The following ERBB4 variants were observed in gnomAD, a reference collection of about 807,000 sequenced individuals.
ERBB4 encodes the protein erb-b2 receptor tyrosine kinase 4.
ERBB4 carries 42 observed loss-of-function variants against 158.0 expected under a neutral mutation model. The observed-to-expected ratio is 0.27, with a 90% CI of 0.21 to 0.34. The LOEUF (loss-of-function observed/expected upper bound fraction) is 0.34, where lower values mean the gene tolerates loss of function less well. Among genes scored for constraint, ERBB4 ranks in the 10% least tolerant of loss-of-function variants. The probability of loss-of-function intolerance (pLI) is 1.00; values close to 1 mark genes in which losing one functional copy is unlikely to be tolerated. For synonymous variants in ERBB4, 583 were observed against 558.7 expected, an observed-to-expected ratio of 1.04 and a Z score of -0.61; for missense variants, 1,333 against 1,624.1, an observed-to-expected ratio of 0.82 and a Z score of 3.08.
In ERBB4 at chr2:211,959,698, A is replaced by C. The variant is rs527677818; in HGVS notation, c.235-12082T>G. ...ATAGATTACTTGCAAGGTATAAAAT[A>C]TATTGATTTTAAATATCTTCTTAAA... On this transcript the variant is annotated intron_variant, in intron 2 of 27. Transcript: ENST00000342788. Among the ~76,000 whole-genome samples, 5 of 152,274 alleles carry C rather than the reference A, an allele frequency of 3.3e-5. No homozygotes were observed. In the East Asian group the frequency reaches 9.7e-4, roughly 29 times the overall value.
chr2:212,097,617 T>G (rs1485453954), intron 2 of ERBB4, among the ~76,000 whole-genome samples: 2 of 152,024 alleles, frequency 1.3e-5, no homozygotes, highest in Non-Finnish European at 2.9e-5. Flanking sequence ...TACCATACTA[T>G]CAATATTTAA....
intron 1 of ERBB4, among the ~76,000 whole-genome samples, chr2:212,470,951 C>T (rs1689088335): frequency 6.6e-6 from 1 of 151,994 alleles, no homozygotes; most frequent in South Asian, 2.1e-4. Flanking sequence ...CAAACTAATA[C>T]TCTTTCCTAC....
chr2:211,939,966 A>AAATATATAT (rs1491239788), intron 3 of ERBB4, among the ~76,000 whole-genome samples: 1 of 137,386 alleles, frequency 7.3e-6, no homozygotes, highest in Non-Finnish European at 1.5e-5. Context: ...GGAAAAAAAA[A>AAATATATAT]ATATATATAT....
chr2:212,449,332 A>T (rs1456460715), intron 1 of ERBB4, among the ~76,000 whole-genome samples: 2 of 152,174 alleles, frequency 1.3e-5, no homozygotes, highest in African/African-American at 4.8e-5. Flanking sequence ...AGACTTCTGA[A>T]ATTTTATTGG....
intron 1 of ERBB4, among the ~76,000 whole-genome samples, chr2:212,194,942 T>C (rs1204528134): frequency 6.6e-6 from 1 of 151,958 alleles, no homozygotes; most frequent in Non-Finnish European, 1.5e-5. Context: ...TTTTCCACAT[T>C]GGTTATGATT....
chr2:211,924,746 C>T (rs2079969718), intron 3 of ERBB4, among the ~76,000 whole-genome samples: 1 of 152,038 alleles, frequency 6.6e-6, no homozygotes, highest in African/African-American at 2.4e-5. Context: ...AGGTAAGAGT[C>T]ACGTATTTAT....
At chr2:212,099,918 C>G (rs1178396115) in intron 2 of ERBB4, among the ~76,000 whole-genome samples, 1 of 151,748 alleles carries the variant, frequency 6.6e-6, no homozygotes, top group Non-Finnish European at 1.5e-5. Flanking sequence ...TTAAAGATAA[C>G]AGTGATCACA....
At position 211,422,752 on chromosome 2, in the gene ERBB4, CGAAA is replaced by C. The variant is rs544499948; in HGVS notation, c.2867-652_2867-649del. Among the ~76,000 whole-genome samples, 59 of 151,822 alleles carry C rather than the reference CGAAA, an allele frequency of 3.9e-4. 1 individual carries two copies. Among genetic ancestry groups the C allele is most frequent in the South Asian group, 2.5e-3 (12 of 4,818 alleles). ...ATCCTCTTCTTAGGTATTAAAACCC[CGAAA>C]GAAAGGTAAAATTCTCCATTAGGGA... On this transcript the variant is annotated intron_variant, in intron 23 of 27. Transcript: ENST00000342788.
At chr2:211,773,598 T>TTATATATATATA (rs1171015959) in intron 4 of ERBB4, among the ~76,000 whole-genome samples, 30 of 29,770 alleles carry the variant, frequency 1.0e-3, no homozygotes, top group Non-Finnish European at 1.9e-3. Context: ...TTCTGTAACT[T>TTATATATATATA]TATATATATA....
chr2:211,800,651 CTG>C (rs968549842), intron 3 of ERBB4, among the ~76,000 whole-genome samples: 3 of 129,144 alleles, frequency 2.3e-5, no homozygotes, highest in Non-Finnish European at 4.7e-5. Flanking sequence ...ACATGAAAAA[CTG>C]TGCGTTAAAA....
chr2:212,034,351 T>C (rs551839737), intron 2 of ERBB4, among the ~76,000 whole-genome samples: 2 of 152,116 alleles, frequency 1.3e-5, no homozygotes, highest in South Asian at 4.1e-4. Flanking sequence ...GAAATAAATA[T>C]CTAATAAGTC....
At chr2:211,885,586 AC>A (rs1366226712) in intron 3 of ERBB4, among the ~76,000 whole-genome samples, 1 of 151,994 alleles carries the variant, frequency 6.6e-6, no homozygotes, top group Non-Finnish European at 1.5e-5. Context: ...CTGCTGAGTA[AC>A]TGGGATTAGA....
chr2:211,580,866 C>CATATATATATAT (rs56892079), intron 19 of ERBB4, among the ~76,000 whole-genome samples: 10 of 64,178 alleles, frequency 1.6e-4, no homozygotes, highest in Non-Finnish European at 2.1e-4. Context: ...TATGCATATA[C>CATATATATATAT]ATATATATAT....
At chr2:212,426,244 C>A in intron 1 of ERBB4, 1 of 488,966 alleles carries the variant, frequency 2.0e-6, no homozygotes, top group Non-Finnish European at 4.1e-6. Context: ...TTTTTACGTG[C>A]ATTTATTTCC....
At chr2:212,133,034 T>C (rs766576233) in intron 1 of ERBB4, among the ~76,000 whole-genome samples, 3 of 152,118 alleles carry the variant, frequency 2.0e-5, no homozygotes, top group Admixed American at 6.5e-5. Context: ...AACTCCTTCC[T>C]TGGGAGAGAA....
At chr2:211,757,333 T>A (rs1400135377) in intron 4 of ERBB4, among the ~76,000 whole-genome samples, 1 of 152,148 alleles carries the variant, frequency 6.6e-6, no homozygotes, top group Non-Finnish European at 1.5e-5. Context: ...CTAAAAAATA[T>A]GAAGTTAAAA....
chr2:212,299,203 C>T (rs185930234), intron 1 of ERBB4, among the ~76,000 whole-genome samples: 10 of 151,730 alleles, frequency 6.6e-5, no homozygotes, highest in East Asian at 2.0e-4. Context: ...GACCAACATG[C>T]TACACTGCTT....
intron 13 of ERBB4, among the ~76,000 whole-genome samples, chr2:211,678,306 A>AC (rs201772996): frequency 1.3e-4 from 3 of 22,276 alleles, no homozygotes; most frequent in Non-Finnish European, 1.3e-4. Context: ...CAAACAAAAA[A>AC]AAACAAACAA....
chr2:211,685,050 T>G (rs1271928334), intron 12 of ERBB4, among the ~76,000 whole-genome samples: 1 of 152,228 alleles, frequency 6.6e-6, no homozygotes, highest in Non-Finnish European at 1.5e-5. Flanking sequence ...ACTATCTGAT[T>G]TGAATATCTC....
Sources: allele counts gnomAD v4.1 joint callset (sites outside exome capture counted in the v4.1 genomes callset), GRCh38; gene constraint gnomAD v4.1.1; transcripts MANE v1.5; gene names NCBI Gene and HGNC (gene_info 2026-07-23, HGNC 2026-07-21).